The following TM9SF3 variants were observed in gnomAD, a reference collection of about 807,000 sequenced individuals.
TM9SF3 encodes the protein transmembrane 9 superfamily member 3, also known as SM-11044-binding protein.
Under a neutral mutation model 78.6 loss-of-function variants are expected in TM9SF3, and 14 were observed. That is an observed-to-expected ratio of 0.18 (90% CI 0.12 to 0.28). The LOEUF is 0.28. Among genes scored for constraint, TM9SF3 ranks in the 10% least tolerant of loss-of-function variants. The probability of loss-of-function intolerance (pLI) is 1.00; values close to 1 mark genes in which losing one functional copy is unlikely to be tolerated. For synonymous variants in TM9SF3, 231 were observed against 241.7 expected (o/e 0.96, Z 0.41); for missense variants, 496 against 721.9 (o/e 0.69, Z 3.59).
intron 8 of TM9SF3, among the ~76,000 whole-genome samples, chr10:96,545,741 T>C (rs1848089488): frequency 6.6e-6 from 1 of 152,086 alleles, no homozygotes; most frequent in Non-Finnish European, 1.5e-5. Flanking sequence ...AATAAAAAAT[T>C]AGCCGGGCAT....
rs1254786649 is a variant in TM9SF3, at chr10:96,551,495, A to T, written c.793-84T>A. 2.9e-6 allele frequency: 3 copies of T among 1,039,228 alleles called. No individual in the cohort carries two copies. In the Admixed American group the frequency reaches 8.8e-5, roughly 31 times the overall value. The allele number at this position is 1,039,228 out of a possible 1,614,324, so 64.4% of individuals were successfully genotyped here. On this transcript the variant is annotated intron_variant, in intron 6 of 14. Coordinates refer to ENST00000371142, the MANE Select transcript of TM9SF3 (RefSeq NM_020123.4). ...CATAGTATGTAAAAATTACAGTTGTAAGTTTCCTCCCTCCAAATTTATAGC... is the reference window on the plus strand; with the variant it reads ...CATAGTATGTAAAAATTACAGTTGTTAGTTTCCTCCCTCCAAATTTATAGC...
intron 2 of TM9SF3, among the ~76,000 whole-genome samples, chr10:96,572,378 A>G (rs539688636): frequency 1.3e-5 from 2 of 152,090 alleles, no homozygotes; most frequent in Non-Finnish European, 2.9e-5. Flanking sequence ...GGATGCATCA[A>G]GTCTCTCTGA....
At chr10:96,558,685 G>T (rs908365849) in intron 5 of TM9SF3, among the ~76,000 whole-genome samples, 1 of 151,414 alleles carries the variant, frequency 6.6e-6, no homozygotes, top group Non-Finnish European at 1.5e-5. Context: ...TAGCTTAATT[G>T]TTAAAATCTC....
intron 1 of TM9SF3, among the ~76,000 whole-genome samples, chr10:96,582,765 T>C (rs965566615): frequency 2.6e-5 from 4 of 152,072 alleles, no homozygotes; most frequent in African/African-American, 9.7e-5. Context: ...TTTGGACAAA[T>C]AAGCACATAA....
chr10:96,582,208 C>T (rs1189036254), intron 1 of TM9SF3, among the ~76,000 whole-genome samples: 2 of 152,138 alleles, frequency 1.3e-5, no homozygotes, highest in African/African-American at 2.4e-5. Context: ...GATTCCTGTG[C>T]CCCTAAGTAC....
intron 1 of TM9SF3, among the ~76,000 whole-genome samples, chr10:96,582,449 T>A (rs1431319322): frequency 6.6e-6 from 1 of 152,142 alleles, no homozygotes; most frequent in Non-Finnish European, 1.5e-5. Flanking sequence ...TTTAATGGAG[T>A]CCTTCGGAAT....
intron 2 of TM9SF3, among the ~76,000 whole-genome samples, chr10:96,572,451 C>G (rs143854991): frequency 1.5e-3 from 221 of 151,964 alleles, no homozygotes; most frequent in African/African-American, 5.0e-3. Flanking sequence ...CCCTCTAAAA[C>G]TGGAGGGTAC....
chr10:96,520,436 T>C lies in TM9SF3; in HGVS notation c.*1827A>G, dbSNP rs1847750884. On this transcript the variant is annotated 3_prime_UTR_variant, in exon 15 of 15. Transcript: ENST00000371142. Reference sequence around the variant, plus strand: ...AGGACTTACATGTCACAATATAGGATGTAGAGTCCATCAATAGATAGGTAC... The same window carrying C: ...AGGACTTACATGTCACAATATAGGACGTAGAGTCCATCAATAGATAGGTAC... The C allele has an allele frequency of 6.5e-6, 1 of 153,502 alleles. No homozygotes were observed. The highest frequency in any genetic ancestry group is 2.4e-5 in the African/African-American group (1 of 41,496). 9.5% of individuals were successfully genotyped at this position (153,502 alleles called of 1,614,324 possible). A position where few individuals can be genotyped will look rare whatever the true frequency, so the allele number is the denominator to read the frequency against.
intron 11 of TM9SF3, among the ~76,000 whole-genome samples, chr10:96,529,544 T>C (rs1847874233): frequency 6.6e-6 from 1 of 151,978 alleles, no homozygotes; most frequent in African/African-American, 2.4e-5. Flanking sequence ...TTTATGTTCT[T>C]GCTTCACTTT....
intron 4 of TM9SF3, chr10:96,560,248 G>A (rs1848289481): frequency 9.3e-6 from 8 of 860,222 alleles, no homozygotes; most frequent in African/African-American, 1.6e-5. Context: ...TTTCAGTTGT[G>A]AACTAAAGGC....
intron 4 of TM9SF3, chr10:96,560,791 A>T: frequency 1.8e-6 from 1 of 560,362 alleles, no homozygotes; most frequent in Non-Finnish European, 3.5e-6. Flanking sequence ...AAAGACTCAA[A>T]ACTATCAACA....
chr10:96,540,617 C>CTTT (rs879853876), intron 9 of TM9SF3, among the ~76,000 whole-genome samples: 4 of 140,524 alleles, frequency 2.8e-5, no homozygotes, highest in African/African-American at 1.0e-4. Flanking sequence ...TAGAGCCATT[C>CTTT]TTTTTTTTTT....
chr10:96,574,511 G>A (rs1242363974), intron 2 of TM9SF3, among the ~76,000 whole-genome samples: 1 of 152,210 alleles, frequency 6.6e-6, no homozygotes, highest in Non-Finnish European at 1.5e-5. Flanking sequence ...GGAAGACAGT[G>A]TGGCAATTCC....
At chr10:96,547,872 T>G (rs758118276) in intron 8 of TM9SF3, 23 bp downstream of exon 8, 1 of 1,552,730 alleles carries the variant, frequency 6.4e-7, no homozygotes, top group African/African-American at 1.4e-5. Context: ...ATTAACAACA[T>G]GAAGTGAGAA....
chr10:96,583,631 T>C (rs550627182), intron 1 of TM9SF3, among the ~76,000 whole-genome samples: 7 of 151,904 alleles, frequency 4.6e-5, no homozygotes, highest in Admixed American at 6.6e-5. Context: ...GTGTGTTATC[T>C]GCAGGTGACC....
At position 96,528,826 on chromosome 10, in the gene TM9SF3, C is replaced by T. The variant is rs370683510; in HGVS notation, c.1395-649G>A. Among the ~76,000 whole-genome samples, 10 of 152,054 alleles carry T rather than the reference C, an allele frequency of 6.6e-5. No homozygotes were observed. The East Asian group carries it at 1.3e-3, about 20-fold the overall frequency. ...TAAGAAATGAAGTTGGAGAAGTGAA[C>T]AGGGCCAGTTCTTACGTTATAAAGA... On this transcript the variant is annotated intron_variant, in intron 11 of 14. Transcript: ENST00000371142.
chr10:96,552,231 C>CT (rs1848179347), intron 6 of TM9SF3, among the ~76,000 whole-genome samples: 1 of 152,070 alleles, frequency 6.6e-6, no homozygotes, highest in Non-Finnish European at 1.5e-5. Flanking sequence ...GCAGGAAGAT[C>CT]GTTTGAGGCC....
At chr10:96,534,327 T>C (rs1847930693) in intron 9 of TM9SF3, among the ~76,000 whole-genome samples, 2 of 152,202 alleles carry the variant, frequency 1.3e-5, no homozygotes, top group Non-Finnish European at 1.5e-5. Context: ...TTTATCTGCG[T>C]TTCAGTTTAG....
chr10:96,537,072 C>T (rs1847968268), intron 9 of TM9SF3, among the ~76,000 whole-genome samples: 1 of 152,194 alleles, frequency 6.6e-6, no homozygotes, highest in Admixed American at 6.5e-5. Context: ...TTCCAGTCAA[C>T]AGCAGGCTTA....
Sources: allele counts gnomAD v4.1 joint callset (sites outside exome capture counted in the v4.1 genomes callset), GRCh38; gene constraint gnomAD v4.1.1; transcripts MANE v1.5; gene names NCBI Gene and HGNC (gene_info 2026-07-23, HGNC 2026-07-21).